Variants in NCAM2 observed in about 807,000 individuals in gnomAD.
The protein encoded by NCAM2 is neural cell adhesion molecule 2.
Under a neutral mutation model 98.1 loss-of-function variants are expected in NCAM2, and 30 were observed. The ratio of observed to expected loss-of-function variants is 0.31; its 90% CI spans 0.23 to 0.41. NCAM2 has a LOEUF of 0.41. Ranked by LOEUF, NCAM2 falls within the 10% of genes least tolerant of loss-of-function variation. The pLI is 1.00. For missense variants in NCAM2, 867 were observed against 1,005.8 expected, an observed-to-expected ratio of 0.86 and a Z score of 1.87; for synonymous variants, 368 against 342.4, an observed-to-expected ratio of 1.07 and a Z score of -0.83.
intron 1 of NCAM2, among the ~76,000 whole-genome samples, chr21:21,257,816 C>T (rs538772692): frequency 1.3e-5 from 2 of 152,222 alleles, no homozygotes; most frequent in South Asian, 2.1e-4. Flanking sequence ...TTCCTGACCT[C>T]GTGATCTGCC....
intron 1 of NCAM2, among the ~76,000 whole-genome samples, chr21:21,234,411 G>T (rs1164321878): frequency 1.3e-5 from 2 of 151,888 alleles, no homozygotes; most frequent in Admixed American, 1.3e-4. Flanking sequence ...AAGACTCCTT[G>T]TAAGAATATA....
At chr21:21,056,170 T>C (rs538145959) in intron 1 of NCAM2, among the ~76,000 whole-genome samples, 151 of 152,152 alleles carry the variant, frequency 9.9e-4, no homozygotes, top group African/African-American at 3.6e-3. Context: ...AAATGCTACA[T>C]AGTACTGAAA....
At chr21:21,149,567 G>A (rs1569077791) in intron 1 of NCAM2, among the ~76,000 whole-genome samples, 1 of 149,590 alleles carries the variant, frequency 6.7e-6, no homozygotes, top group East Asian at 2.0e-4. Flanking sequence ...CCCTCCCCTT[G>A]CCCCCCACCC....
rs2064548279 is a variant in NCAM2, at chr21:21,026,505, A to T, written c.55+27887A>T. Reference sequence around the variant, plus strand: ...CTGGGCGTGGTGGCAGGCTTCTGTCATCCCAGCTACTCAGGAACTTGAGGC... The same window carrying T: ...CTGGGCGTGGTGGCAGGCTTCTGTCTTCCCAGCTACTCAGGAACTTGAGGC... On this transcript the variant is annotated intron_variant, in intron 1 of 17. Transcript: ENST00000400546. Among the ~76,000 whole-genome samples, 5 of 152,022 alleles carry T rather than the reference A, an allele frequency of 3.3e-5. No homozygotes were observed. The South Asian group carries it at 1.0e-3, about 31-fold the overall frequency.
Position 21,542,282 on chromosome 21 carries a change from G to A in NCAM2, c.*4325G>A, listed in dbSNP as rs1278155211. 2.0e-5 allele frequency: 3 copies of A among 151,642 alleles called. No homozygotes were observed. The highest frequency in any genetic ancestry group is 4.4e-5 in the Non-Finnish European group (3 of 67,738). The allele number at this position is 151,642 out of a possible 1,614,324, so 9.4% of individuals were successfully genotyped here. A position where few individuals can be genotyped will look rare whatever the true frequency, so the allele number is the denominator to read the frequency against. ...GCTATTTACAATTATACAAGAATGC[G>A]AATAGATTAATTATATCTTCTCATA... On this transcript the variant is annotated 3_prime_UTR_variant, in exon 18 of 18. Transcript: ENST00000400546.
intron 1 of NCAM2, among the ~76,000 whole-genome samples, chr21:21,212,220 A>G (rs2069684299): frequency 1.3e-5 from 2 of 152,234 alleles, no homozygotes; most frequent in African/African-American, 4.8e-5. Context: ...GAATATTAGT[A>G]ATAAAAAGTA....
chr21:21,535,388 CTT>C (rs1483053182), intron 17 of NCAM2, among the ~76,000 whole-genome samples: 2 of 151,976 alleles, frequency 1.3e-5, no homozygotes, highest in South Asian at 2.1e-4. Flanking sequence ...ACCAAAAAAA[CTT>C]TTTAATTTTA....
intron 6 of NCAM2, among the ~76,000 whole-genome samples, chr21:21,329,045 C>G (rs1601995473): frequency 6.6e-6 from 1 of 151,258 alleles, no homozygotes; most frequent in African/African-American, 2.4e-5. Context: ...ACTTCTGCCT[C>G]CTGGGTTCAA....
rs1367923392 is a variant in NCAM2 at position 21,080,674 on chromosome 21, AAAAAAAC to A, written c.55+82057_55+82063del. On this transcript the variant is annotated intron_variant, in intron 1 of 17. Coordinates refer to ENST00000400546, the MANE Select transcript of NCAM2 (RefSeq NM_004540.5). Reference sequence around the variant, plus strand: ...AAGATCTCAAAAAAAAAAAAAAAAAAAAAAAACCAACATTGATTCATACCCCTAACAT... The same window carrying A: ...AAGATCTCAAAAAAAAAAAAAAAAAACAACATTGATTCATACCCCTAACAT... Among the ~76,000 whole-genome samples the A allele has an allele frequency of 2.3e-4, 33 of 146,482 alleles. 1 individual carries two copies. In the South Asian group the frequency reaches 6.4e-3, roughly 29 times the overall value.
At chr21:21,168,591 G>A (rs1476824036) in intron 1 of NCAM2, among the ~76,000 whole-genome samples, 1 of 152,060 alleles carries the variant, frequency 6.6e-6, no homozygotes, top group Non-Finnish European at 1.5e-5. Context: ...GAATTAATAA[G>A]CAATTATAGC....
chr21:21,358,848 G>C (rs1221691051), intron 8 of NCAM2, among the ~76,000 whole-genome samples: 10 of 151,878 alleles, frequency 6.6e-5, no homozygotes, highest in Admixed American at 6.6e-4. Flanking sequence ...CAAATTTTTA[G>C]ATAGTTTTTA....
chr21:21,497,799 T>A (rs143363475), intron 15 of NCAM2, among the ~76,000 whole-genome samples: 1 of 152,120 alleles, frequency 6.6e-6, no homozygotes, highest in Non-Finnish European at 1.5e-5. Context: ...AAAGTACACA[T>A]AAAATGGTAC....
Position 21,276,566 on chromosome 21 carries a change from A to T in NCAM2, c.56-4012A>T, listed in dbSNP as rs539280260. Among the ~76,000 whole-genome samples the T allele has an allele frequency of 1.4e-4, 22 of 152,162 alleles. No individual in the cohort carries two copies. In the East Asian group the frequency reaches 4.2e-3, roughly 29 times the overall value. ...CAAACATAAATTTTTGACATTAGGA[A>T]ACAATTTAGTTTTCTTCTGGCTGCC... is the stretch of plus-strand genomic sequence containing the variant. On this transcript the variant is annotated intron_variant, in intron 1 of 17. Coordinates refer to ENST00000400546, the MANE Select transcript of NCAM2 (RefSeq NM_004540.5).
At chr21:21,123,939 C>T (rs1439819513) in intron 1 of NCAM2, among the ~76,000 whole-genome samples, 6 of 147,622 alleles carry the variant, frequency 4.1e-5, no homozygotes, top group Admixed American at 6.9e-5. Context: ...CTCCACCTTC[C>T]GGATTCAAGA....
At chr21:21,490,526 C>T (rs573372145) in intron 15 of NCAM2, among the ~76,000 whole-genome samples, 1 of 151,888 alleles carries the variant, frequency 6.6e-6, no homozygotes, top group South Asian at 2.1e-4. Context: ...GTAAAGAATG[C>T]ATAATAATGA....
chr21:21,128,019 A>G (rs1212421162), intron 1 of NCAM2, among the ~76,000 whole-genome samples: 1 of 151,916 alleles, frequency 6.6e-6, no homozygotes, highest in Non-Finnish European at 1.5e-5. Context: ...ACTACCTACC[A>G]TTTTCCCTTT....
intron 1 of NCAM2, among the ~76,000 whole-genome samples, chr21:21,020,767 A>G (rs1203020355): frequency 6.6e-6 from 1 of 152,192 alleles, no homozygotes; most frequent in Non-Finnish European, 1.5e-5. Context: ...ATCCTATTAA[A>G]GGTATTATAG....
intron 1 of NCAM2, among the ~76,000 whole-genome samples, chr21:21,255,352 G>A (rs550177450): frequency 1.3e-5 from 2 of 152,182 alleles, no homozygotes; most frequent in East Asian, 3.9e-4. Flanking sequence ...TGCCTCCCAG[G>A]ATCTAAGGCT....
At chr21:21,453,237 G>T (rs1245449558) in intron 12 of NCAM2, among the ~76,000 whole-genome samples, 4 of 150,262 alleles carry the variant, frequency 2.7e-5, no homozygotes, top group Non-Finnish European at 4.4e-5. Flanking sequence ...GTGTAAGTGG[G>T]GGTGGGAATG....
Sources: allele counts gnomAD v4.1 joint callset (sites outside exome capture counted in the v4.1 genomes callset), GRCh38; gene constraint gnomAD v4.1.1; transcripts MANE v1.5; gene names NCBI Gene and HGNC (gene_info 2026-07-23, HGNC 2026-07-21).